The following SLC5A4 variants were observed in gnomAD, a reference collection of about 807,000 sequenced individuals.
SLC5A4 encodes probable glucose sensor protein SLC5A4.
In SLC5A4, 55 loss-of-function variants were observed where a neutral mutation model predicts 70.3. The observed-to-expected ratio is 0.78, with a 90% CI of 0.63 to 0.98. The LOEUF (loss-of-function observed/expected upper bound fraction) is 0.98, where lower values mean the gene tolerates loss of function less well. Among genes scored for constraint, SLC5A4 ranks in the 50% least tolerant of loss-of-function variants. SLC5A4 has a pLI of 0.00. For missense variants in SLC5A4, 735 were observed against 839.2 expected (o/e 0.88, Z 1.53); for synonymous variants, 268 against 305.7 (o/e 0.88, Z 1.29).
chr22:32,350,824 T>C, the SLC5A4 span, among the ~76,000 whole-genome samples: 1 of 152,042 alleles, frequency 6.6e-6, no homozygotes, highest in Admixed American at 6.5e-5. Context: ...CCTTATATAT[T>C]TGTTGGCTTG....
At chr22:32,247,272 T>C (rs1926883298) in intron 5 of SLC5A4, 139 bp downstream of exon 5, 1 of 631,118 alleles carries the variant, frequency 1.6e-6, no homozygotes, top group East Asian at 2.7e-5. Flanking sequence ...GAAGAGACAG[T>C]CCTGAGAATT....
At chr22:32,240,296 A>G (rs1341159961) in intron 5 of SLC5A4, among the ~76,000 whole-genome samples, 2 of 152,100 alleles carry the variant, frequency 1.3e-5, no homozygotes, top group Non-Finnish European at 2.9e-5. Flanking sequence ...CCATAAAAAA[A>G]GGAGACTATG....
chr22:32,286,863 A>T, the SLC5A4 span, among the ~76,000 whole-genome samples: 3 of 152,360 alleles, frequency 2.0e-5, no homozygotes, highest in East Asian at 5.8e-4. Flanking sequence ...TAGCAAAATT[A>T]AAAAGCTGTC....
chr22:32,269,520 C>T, the SLC5A4 span: 17,310 of 601,982 alleles, frequency 0.029, 356 homozygotes, highest in African/African-American at 0.052. The surrounding 1 kb of genome is among the most constrained non-coding windows in gnomAD (Gnocchi z 4.1). Flanking sequence ...TGGCAGGACA[C>T]GTGCTCCATC....
Position 32,228,554 on chromosome 22 carries a change from A to G in SLC5A4, c.1280+640T>C, listed in dbSNP as rs550057088. On this transcript the variant is annotated intron_variant, in intron 11 of 14. Transcript: ENST00000266086. ...TGAAACTCTGTCTCAAAAAAAAAAA[A>G]TGCTATGACAATATAGGGTCTTCTC... Among the ~76,000 whole-genome samples the G allele has an allele frequency of 2.3e-4, 35 of 151,742 alleles. 1 individual carries two copies. Among genetic ancestry groups the G allele is most frequent in the South Asian group, 1.0e-3 (5 of 4,782 alleles).
the SLC5A4 span, among the ~76,000 whole-genome samples, chr22:32,340,258 T>C: frequency 2.0e-4 from 31 of 152,274 alleles, no homozygotes; most frequent in East Asian, 2.3e-3. Flanking sequence ...CCTCAACAAA[T>C]GGGAGCTACT....
At chr22:32,239,518 T>TTATATATATA (rs1173210993) in intron 5 of SLC5A4, among the ~76,000 whole-genome samples, 10 of 25,190 alleles carry the variant, frequency 4.0e-4, no homozygotes, top group South Asian at 1.4e-3. Flanking sequence ...GGAGTGCATA[T>TTATATATATA]TATATATATA....
chr22:32,279,368 G>A, the SLC5A4 span, among the ~76,000 whole-genome samples: 4 of 152,230 alleles, frequency 2.6e-5, no homozygotes, highest in Non-Finnish European at 5.9e-5. Flanking sequence ...GCAGTAGGTA[G>A]GTTGACATCA....
the SLC5A4 span, among the ~76,000 whole-genome samples, chr22:32,313,520 C>CTGGAA: frequency 6.6e-6 from 1 of 152,142 alleles, no homozygotes; most frequent in Non-Finnish European, 1.5e-5. Context: ...CAAGATGCTC[C>CTGGAA]TGGAATAGGG....
intron 9 of SLC5A4, 39 bp from the exon 10 acceptor site, chr22:32,231,114 A>G (rs771488442): frequency 1.6e-6 from 2 of 1,248,278 alleles, no homozygotes; most frequent in Non-Finnish European, 2.4e-6. Context: ...TGAGGCCCAA[A>G]TAGGCAAAAC....
At chr22:32,281,263 C>G in the SLC5A4 span, among the ~76,000 whole-genome samples, 2 of 152,262 alleles carry the variant, frequency 1.3e-5, no homozygotes, top group African/African-American at 4.8e-5. Context: ...GAAGGTGGGA[C>G]GTCCAGCTGC....
chr22:32,338,079 TAC>T, the SLC5A4 span, among the ~76,000 whole-genome samples: 2 of 152,148 alleles, frequency 1.3e-5, no homozygotes, highest in African/African-American at 4.8e-5. Context: ...TTAGGAAAAA[TAC>T]AACTCTTAAA....
At chr22:32,341,058 G>A in the SLC5A4 span, among the ~76,000 whole-genome samples, 1 of 152,152 alleles carries the variant, frequency 6.6e-6, no homozygotes, top group Non-Finnish European at 1.5e-5. Context: ...AGGAGCCAAT[G>A]AGATGGTAGG....
At chr22:32,249,905 G>A (rs1192655659) in intron 3 of SLC5A4, among the ~76,000 whole-genome samples, 2 of 150,814 alleles carry the variant, frequency 1.3e-5, no homozygotes, top group Non-Finnish European at 3.0e-5. Context: ...AAGGTTTTTT[G>A]GTGATTTTTT....
At chr22:32,326,726 T>A in the SLC5A4 span, among the ~76,000 whole-genome samples, 1 of 152,212 alleles carries the variant, frequency 6.6e-6, no homozygotes, top group Non-Finnish European at 1.5e-5. Flanking sequence ...GAGACTCTGC[T>A]GACACGATAG....
the SLC5A4 span, among the ~76,000 whole-genome samples, chr22:32,348,652 TTTTAA>T: frequency 6.6e-6 from 1 of 152,346 alleles, no homozygotes; most frequent in East Asian, 1.9e-4. Context: ...ATCTATCCAG[TTTTAA>T]TTAATGACTA....
the SLC5A4 span, among the ~76,000 whole-genome samples, chr22:32,338,646 G>A: frequency 4.1e-3 from 617 of 152,304 alleles, 2 homozygotes; most frequent in Non-Finnish European, 6.2e-3. Flanking sequence ...TCCAGCCTGG[G>A]CGACAGAATG....
chr22:32,340,591 C>T, the SLC5A4 span, among the ~76,000 whole-genome samples: 1 of 152,144 alleles, frequency 6.6e-6, no homozygotes, highest in Non-Finnish European at 1.5e-5. Flanking sequence ...ATTTTGTAAA[C>T]CTTGGTCAGA....
At chr22:32,329,997 G>A in the SLC5A4 span, among the ~76,000 whole-genome samples, 2 of 18,670 alleles carry the variant, frequency 1.1e-4, no homozygotes, top group East Asian at 2.2e-3. Context: ...GGGCTCTGGT[G>A]TGTGTGTTGG....
Sources: gnomAD v4.1 joint callset for allele counts (sites outside exome capture counted in the v4.1 genomes callset) on GRCh38, gnomAD v4.1.1 for gene constraint, Gnocchi (gnomAD v3.1) non-coding constraint, MANE v1.5 for transcripts, NCBI Gene and HGNC (gene_info 2026-07-23, HGNC 2026-07-21) for gene names.